ADAM9: variants seen among roughly 807,000 people sequenced by gnomAD.
ADAM9 encodes the protein ADAM metallopeptidase domain 9.
ADAM9 carries 54 observed loss-of-function variants against 108.1 expected under a neutral mutation model. The ratio of observed to expected loss-of-function variants is 0.50; its 90% CI spans 0.40 to 0.63. The LOEUF (loss-of-function observed/expected upper bound fraction) is 0.63. Among genes scored for constraint, ADAM9 ranks in the 20% least tolerant of loss-of-function variants. The pLI, the probability that ADAM9 is intolerant of heterozygous loss-of-function variation, is 0.00. For synonymous variants in ADAM9, 316 were observed against 336.0 expected, an observed-to-expected ratio of 0.94 and a Z score of 0.65; for missense variants, 830 against 997.7, an observed-to-expected ratio of 0.83 and a Z score of 2.26.
rs796564560 is a variant in ADAM9, at chr8:39,033,562, AAT to A, written c.1130+6757_1130+6758del. Among the ~76,000 whole-genome samples the A allele has an allele frequency of 4.3e-3, 654 of 152,006 alleles. 7 individuals carry two copies. Among genetic ancestry groups the A allele is most frequent in the African/African-American group, 0.014 (591 of 41,508 alleles). On this transcript the variant is annotated intron_variant, in intron 11 of 21. Coordinates refer to ENST00000487273, the MANE Select transcript of ADAM9 (RefSeq NM_003816.3). The stretch of plus-strand genomic sequence containing the variant: ...AATTTTATTTTTAATCCAAATTGAA[AAT>A]ATATGTCTTATAATTATATCACTTA...
chr8:39,007,192 A>G (rs1836190832), intron 1 of ADAM9, among the ~76,000 whole-genome samples: 1 of 152,138 alleles, frequency 6.6e-6, no homozygotes, highest in African/African-American at 2.4e-5. Flanking sequence ...AGCAAGAGAG[A>G]TGGGGGAGAG....
chr8:39,020,826 G>T (rs1836713765), intron 7 of ADAM9, among the ~76,000 whole-genome samples: 1 of 151,562 alleles, frequency 6.6e-6, no homozygotes, highest in Non-Finnish European at 1.5e-5. Flanking sequence ...CTCTGAACCT[G>T]TTCTGGTTTG....
intron 2 of ADAM9, among the ~76,000 whole-genome samples, chr8:39,008,416 C>T (rs575729275): frequency 1.9e-4 from 29 of 152,292 alleles, no homozygotes; most frequent in East Asian, 1.5e-3. Flanking sequence ...TCAGGTCATT[C>T]GCCTGCCTCG....
intron 14 of ADAM9, among the ~76,000 whole-genome samples, chr8:39,063,784 C>T (rs1389108510): frequency 6.6e-6 from 1 of 152,096 alleles, no homozygotes; most frequent in Non-Finnish European, 1.5e-5. Context: ...ATCAAAGTCT[C>T]CCCACATGTC....
intron 14 of ADAM9, among the ~76,000 whole-genome samples, 192 bp from the exon 15 acceptor site, chr8:39,071,106 T>C (rs1268001819): frequency 6.6e-6 from 1 of 152,160 alleles, no homozygotes; most frequent in Admixed American, 6.6e-5. Flanking sequence ...AGATTTATTT[T>C]TACATTTTGT....
At chr8:38,998,796 T>C (rs2129430642) in intron 1 of ADAM9, among the ~76,000 whole-genome samples, 1 of 152,226 alleles carries the variant, frequency 6.6e-6, no homozygotes, top group East Asian at 1.9e-4. Flanking sequence ...CATGACTTTT[T>C]AGGAAATGAT....
chr8:39,038,566 A>G (rs1837356862), intron 11 of ADAM9, among the ~76,000 whole-genome samples: 1 of 152,170 alleles, frequency 6.6e-6, no homozygotes, highest in Non-Finnish European at 1.5e-5. Context: ...TATGCTATCT[A>G]ATTTATTATA....
At chr8:39,066,019 G>A (rs1838458710) in intron 14 of ADAM9, among the ~76,000 whole-genome samples, 1 of 152,038 alleles carries the variant, frequency 6.6e-6, no homozygotes, top group South Asian at 2.1e-4. Context: ...TTTTGTCCTT[G>A]GGATAGTTTG....
intron 16 of ADAM9, among the ~76,000 whole-genome samples, chr8:39,081,996 TGG>T (rs1839039006): frequency 6.6e-6 from 1 of 152,174 alleles, no homozygotes; most frequent in Admixed American, 6.5e-5. Flanking sequence ...TCTGAGGTAA[TGG>T]TTTTTATCTC....
chr8:39,054,264 A>G (rs575172047), intron 12 of ADAM9, among the ~76,000 whole-genome samples: 1 of 152,332 alleles, frequency 6.6e-6, no homozygotes, highest in Admixed American at 6.5e-5. Flanking sequence ...AGTAAGGCAC[A>G]TACTATATGA....
chr8:39,072,831 AT>A (rs1838740002), intron 15 of ADAM9, among the ~76,000 whole-genome samples: 1 of 152,048 alleles, frequency 6.6e-6, no homozygotes, highest in Non-Finnish European at 1.5e-5. Flanking sequence ...TGTTTTCATT[AT>A]TTTTTAGTTC....
At chr8:39,055,444 T>C in intron 13 of ADAM9, 133 bp from the exon 14 acceptor site, 1 of 892,436 alleles carries the variant, frequency 1.1e-6, no homozygotes, top group Non-Finnish European at 1.8e-6. Context: ...CCATTGTTCA[T>C]TTTTCTGTTG....
chr8:39,084,567 G>A (rs1839126100), intron 18 of ADAM9, among the ~76,000 whole-genome samples: 1 of 150,690 alleles, frequency 6.6e-6, no homozygotes, highest in African/African-American at 2.4e-5. Context: ...AGAACATATT[G>A]TGTATGACTT....
At chr8:39,054,149 C>T (rs1327540423) in intron 12 of ADAM9, among the ~76,000 whole-genome samples, 3 of 152,098 alleles carry the variant, frequency 2.0e-5, no homozygotes, top group Non-Finnish European at 4.4e-5. Context: ...AGAAACTGAA[C>T]TAGTAGGAAC....
At chr8:39,078,486 C>T (rs1838920022) in intron 16 of ADAM9, among the ~76,000 whole-genome samples, 2 of 152,058 alleles carry the variant, frequency 1.3e-5, no homozygotes, top group Non-Finnish European at 2.9e-5. Flanking sequence ...AATTACCTCC[C>T]TATTTTAAAT....
intron 8 of ADAM9, among the ~76,000 whole-genome samples, chr8:39,022,913 A>G (rs1022600677): frequency 5.3e-5 from 8 of 152,026 alleles, no homozygotes; most frequent in Non-Finnish European, 1.0e-4. Flanking sequence ...GGATTTCACC[A>G]TATTGGCCAG....
intron 12 of ADAM9, among the ~76,000 whole-genome samples, chr8:39,050,452 C>CTTTTTTTTTTTT (rs34010269): frequency 6.9e-6 from 1 of 144,308 alleles, no homozygotes; most frequent in Non-Finnish European, 1.5e-5. Flanking sequence ...ACTTATATTT[C>CTTTTTTTTTTTT]TTTTTTTTTT....
intron 12 of ADAM9, among the ~76,000 whole-genome samples, chr8:39,050,830 GT>G (rs58115667): frequency 0.6 from 51,475 of 85,368 alleles, 14,850 homozygotes; most frequent in East Asian, 0.77. Context: ...GCTTGGAAGT[GT>G]TTTTTTTTTT....
intron 2 of ADAM9, among the ~76,000 whole-genome samples, chr8:39,009,738 G>A (rs1202036762): frequency 6.6e-6 from 1 of 152,196 alleles, no homozygotes; most frequent in Non-Finnish European, 1.5e-5. Flanking sequence ...TCATTCAACA[G>A]TGAATGTAAT....
Sources: gnomAD v4.1 joint callset for allele counts (sites outside exome capture counted in the v4.1 genomes callset) on GRCh38, gnomAD v4.1.1 for gene constraint, MANE v1.5 for transcripts, NCBI Gene and HGNC (gene_info 2026-07-23, HGNC 2026-07-21) for gene names.